ARL6IP1: variants seen among roughly 807,000 people sequenced by gnomAD.
The protein encoded by ARL6IP1 is ARL6 interacting reticulophagy regulator 1.
In ARL6IP1, 16 loss-of-function variants were observed where a neutral mutation model predicts 30.1. That is an observed-to-expected ratio of 0.53 (90% CI 0.36 to 0.81). The LOEUF (loss-of-function observed/expected upper bound fraction) is 0.81. Among genes scored for constraint, ARL6IP1 ranks in the 30% least tolerant of loss-of-function variants. The pLI is 0.01. For synonymous variants in ARL6IP1, 72 were observed against 84.8 expected, an observed-to-expected ratio of 0.85 and a Z score of 0.83; for missense variants, 173 against 242.7, an observed-to-expected ratio of 0.71 and a Z score of 1.91.
At chr16:18,801,206 G>A in intron 1 of ARL6IP1, 1 of 1,412,726 alleles carries the variant, frequency 7.1e-7, no homozygotes, top group African/African-American at 1.5e-5. Context: ...TACTCGCGGT[G>A]ATGAATCACG....
chr16:18,800,052 A>G (rs2030361430), intron 1 of ARL6IP1, among the ~76,000 whole-genome samples: 1 of 152,178 alleles, frequency 6.6e-6, no homozygotes, highest in Non-Finnish European at 1.5e-5. Context: ...TTCACTGGAA[A>G]TCATGCAAAT....
rs141660729 is a variant in ARL6IP1, at chr16:18,793,190, C to T, written c.*62G>A. ...GTAACATTTTAGTATCCAGATAGTACAGCAGAAACGGTTCCCGGGGCAATG... is the reference window on the plus strand; with the variant it reads ...GTAACATTTTAGTATCCAGATAGTATAGCAGAAACGGTTCCCGGGGCAATG... On this transcript the variant is annotated 3_prime_UTR_variant, in exon 6 of 6. Transcript: ENST00000304414. 3.7e-6 allele frequency: 4 copies of T among 1,067,650 alleles called. No homozygotes were observed. The highest frequency in any genetic ancestry group is 2.4e-5 in the East Asian group (1 of 41,522). The allele number at this position is 1,067,650 out of a possible 1,614,324, so 66.1% of individuals were successfully genotyped here.
At chr16:18,795,073 G>A (rs2030190661) in intron 4 of ARL6IP1, 2 of 204,048 alleles carry the variant, frequency 9.8e-6, no homozygotes, top group Admixed American at 1.2e-4. Flanking sequence ...CTGGAGTGCA[G>A]TGGTGCAAAC....
At chr16:18,793,501 G>GC in intron 5 of ARL6IP1, 131 bp from the exon 6 acceptor site, 1 of 552,968 alleles carries the variant, frequency 1.8e-6, no homozygotes, top group South Asian at 2.2e-5. Flanking sequence ...GCGCAATCTT[G>GC]GCTCACCGCA....
intron 5 of ARL6IP1, among the ~76,000 whole-genome samples, chr16:18,793,989 G>T (rs1002835280): frequency 4.6e-5 from 7 of 151,166 alleles, no homozygotes; most frequent in African/African-American, 9.7e-5. Context: ...GGTGGTGGGT[G>T]GGGGGGGTGG....
intron 3 of ARL6IP1, among the ~76,000 whole-genome samples, 159 bp from the exon 4 acceptor site, chr16:18,795,740 A>C (rs2030210866): frequency 6.6e-6 from 1 of 152,182 alleles, no homozygotes; most frequent in Admixed American, 6.5e-5. Flanking sequence ...CACCATTAAG[A>C]CACCTTTTAT....
intron 1 of ARL6IP1, among the ~76,000 whole-genome samples, chr16:18,799,798 T>C (rs2030353490): frequency 6.6e-6 from 1 of 152,220 alleles, no homozygotes; most frequent in Non-Finnish European, 1.5e-5. Flanking sequence ...ATACTTCAAA[T>C]TTCTCTGACT....
chr16:18,801,490 A>G lies in ARL6IP1; in HGVS notation c.-24T>C. 2 of 1,610,584 alleles carry G rather than the reference A, an allele frequency of 1.2e-6. No homozygotes were observed. Among genetic ancestry groups the G allele is most frequent in the Non-Finnish European group, 1.7e-6 (2 of 1,178,882 alleles). On this transcript the variant is annotated 5_prime_UTR_variant, in exon 1 of 6. Coordinates refer to ENST00000304414, the MANE Select transcript of ARL6IP1 (RefSeq NM_015161.3). The stretch of plus-strand genomic sequence containing the variant: ...ATCGTCTCGGGGATGCAGTCTCTAC[A>G]AGCGCAGGCCACCTCCCCAACGAGT...
In ARL6IP1 at chr16:18,794,541, A is replaced by T; in HGVS notation, c.493+58T>A. 3.9e-6 allele frequency: 5 copies of T among 1,284,984 alleles called. 1 individual carries two copies. In the South Asian group the frequency reaches 6.1e-5, roughly 16 times the overall value. The allele number at this position is 1,284,984 out of a possible 1,614,324, so 79.6% of individuals were successfully genotyped here. ...GAAGTATTCAGCTGTTTACTGACGAAGTTACAGTTAAATTTCACTGGCCAG... is the reference window on the plus strand; with the variant it reads ...GAAGTATTCAGCTGTTTACTGACGATGTTACAGTTAAATTTCACTGGCCAG... On this transcript the variant is annotated intron_variant, in intron 5 of 5. Transcript: ENST00000304414.
rs961440395 is a variant in ARL6IP1 at position 18,795,587 on chromosome 16, A to G, written c.291-6T>C. 5.0e-6 allele frequency: 8 copies of G among 1,609,094 alleles called. No individual in the cohort carries two copies. In the African/African-American group the frequency reaches 1.1e-4, roughly 21 times the overall value. ...TTTGCTGTTGTTCAGTGGTCCTAGA[A>G]AAGAAATTTGCCTTTTGCTATAAAC... On this transcript the variant is annotated splice_polypyrimidine_tract_variant and splice_region_variant and intron_variant, in intron 3 of 5. Coordinates refer to ENST00000304414, the MANE Select transcript of ARL6IP1 (RefSeq NM_015161.3).
At position 18,794,678 on chromosome 16, in the gene ARL6IP1, G is replaced by A; in HGVS notation, c.414C>T (p.Phe138=). The A allele has an allele frequency of 6.2e-7, 1 of 1,611,990 alleles. No homozygotes were observed. The highest frequency in any genetic ancestry group is 8.5e-7 in the Non-Finnish European group (1 of 1,178,776). Residue 138 remains phenylalanine, a synonymous_variant, in exon 5 of 6, where the codon TTC becomes TTT. Coordinates refer to ENST00000304414, the MANE Select transcript of ARL6IP1 (RefSeq NM_015161.3). The stretch of plus-strand genomic sequence containing the variant: ...CAGCAAGGGAAACGATCATGGTCAT[G>A]AAGTACTAGCAATGAAAACAAGAAT... ...TLKEEKPKMY[F]MTMIVSLAAV...
chr16:18,797,146 G>A (rs1211482739), intron 3 of ARL6IP1, among the ~76,000 whole-genome samples: 10 of 151,990 alleles, frequency 6.6e-5, no homozygotes, highest in African/African-American at 7.3e-5. Flanking sequence ...TTGGGAGGCC[G>A]AGGCGGGCGG....
At chr16:18,794,795 T>TAG in intron 4 of ARL6IP1, 112 bp from the exon 5 acceptor site, 1 of 667,880 alleles carries the variant, frequency 1.5e-6, no homozygotes, top group Non-Finnish European at 2.4e-6. Flanking sequence ...GGAAATAATT[T>TAG]AGCTTTTATT....
chr16:18,801,051 G>T, intron 1 of ARL6IP1: 1 of 540,370 alleles, frequency 1.9e-6, no homozygotes, highest in South Asian at 4.2e-5. Flanking sequence ...GGCACATCCA[G>T]GTTAAGATCA....
chr16:18,794,564 C>T (rs1407634456), intron 5 of ARL6IP1, 35 bp downstream of exon 5: 21 of 1,529,790 alleles, frequency 1.4e-5, no homozygotes, highest in Non-Finnish European at 1.9e-5. Flanking sequence ...TTTCACTGGC[C>T]AGGATGTGCC....
chr16:18,799,316 T>C (rs1302968730), intron 1 of ARL6IP1, among the ~76,000 whole-genome samples: 2 of 152,230 alleles, frequency 1.3e-5, no homozygotes, highest in Non-Finnish European at 2.9e-5. Context: ...CCAGCCTAAA[T>C]ATCCTTTAAT....
At chr16:18,796,360 C>A (rs2030231208) in intron 3 of ARL6IP1, among the ~76,000 whole-genome samples, 1 of 152,190 alleles carries the variant, frequency 6.6e-6, no homozygotes, top group Non-Finnish European at 1.5e-5. Context: ...AGATAAAGTA[C>A]AAGGATTTCT....
rs760179027 is a variant in ARL6IP1 at position 18,801,495 on chromosome 16, C to A, written c.-29G>T. The A allele has an allele frequency of 1.7e-5, 27 of 1,609,498 alleles. No individual in the cohort carries two copies. In the Middle Eastern group the frequency reaches 8.2e-4, roughly 49 times the overall value. On this transcript the variant is annotated 5_prime_UTR_variant, in exon 1 of 6. Coordinates refer to ENST00000304414, the MANE Select transcript of ARL6IP1 (RefSeq NM_015161.3). ...CTCGGGGATGCAGTCTCTACAAGCG[C>A]AGGCCACCTCCCCAACGAGTCCTCC...
intron 3 of ARL6IP1, among the ~76,000 whole-genome samples, chr16:18,795,962 C>G (rs1405890463): frequency 6.6e-6 from 1 of 152,190 alleles, no homozygotes; most frequent in Non-Finnish European, 1.5e-5. Context: ...AAATGCTGCA[C>G]TATACCTACC....
Sources: allele counts gnomAD v4.1 joint callset (sites outside exome capture counted in the v4.1 genomes callset), GRCh38; gene constraint gnomAD v4.1.1; transcripts MANE v1.5; gene names NCBI Gene and HGNC (gene_info 2026-07-23, HGNC 2026-07-21).